Variants in ASNS observed in about 807,000 individuals in gnomAD.
The protein encoded by ASNS is asparagine synthetase (glutamine-hydrolyzing).
Under a neutral mutation model 62.6 loss-of-function variants are expected in ASNS, and 37 were observed. The ratio of observed to expected loss-of-function variants is 0.59; its 90% confidence interval spans 0.45 to 0.78. The LOEUF is 0.78. ASNS is among the 30% of genes least tolerant of loss of function. The pLI, the probability that ASNS is intolerant of heterozygous loss-of-function variation, is 0.00. For synonymous variants in ASNS, 207 were observed against 237.9 expected, an observed-to-expected ratio of 0.87 and a Z score of 1.19; for missense variants, 520 against 682.4, an observed-to-expected ratio of 0.76 and a Z score of 2.65.
At chr7:97,874,579 T>C (rs1792400815), upstream of ASNS, among the ~76,000 whole-genome samples, 1 of 152,240 alleles carries the variant, frequency 6.6e-6, no homozygotes, top group Admixed American at 6.5e-5. Context: ...TACAAAAGTA[T>C]TAATTTGGGG....
the ASNS span, among the ~76,000 whole-genome samples, chr7:97,888,073 C>A: frequency 3.3e-5 from 5 of 152,222 alleles, no homozygotes; most frequent in Non-Finnish European, 7.3e-5. Flanking sequence ...ATCCTGGGCT[C>A]AAGTGATCTT....
rs1485921787 is a variant in ASNS, at chr7:97,851,856, C to T, written c.*403G>A. Reference sequence around the variant, plus strand: ...ATAGAAGATTCAAGTCTGAGTCTGCCTAGGCAGCTGTTAGGAATGTAGGCA... The same window carrying T: ...ATAGAAGATTCAAGTCTGAGTCTGCTTAGGCAGCTGTTAGGAATGTAGGCA... On this transcript the variant is annotated 3_prime_UTR_variant, in exon 13 of 13. Transcript: ENST00000394308. The T allele has an allele frequency of 1.5e-5, 3 of 195,970 alleles. No homozygotes were observed. 12.1% of individuals were successfully genotyped at this position (195,970 alleles called of 1,614,324 possible). A position where few individuals can be genotyped will look rare whatever the true frequency, so the allele number is the denominator to read the frequency against.
upstream of ASNS, among the ~76,000 whole-genome samples, chr7:97,873,146 G>T (rs577163349): frequency 3.9e-5 from 6 of 152,322 alleles, no homozygotes; most frequent in African/African-American, 1.4e-4. Flanking sequence ...TAAGTACAAA[G>T]ATTCCTTTTA....
chr7:97,886,448 A>G, the ASNS span, among the ~76,000 whole-genome samples: 1 of 152,062 alleles, frequency 6.6e-6, no homozygotes, highest in Non-Finnish European at 1.5e-5. Flanking sequence ...CGCCTGGCCT[A>G]TATGAATTTT....
chr7:97,862,588 A>T, intron 4 of ASNS, among the ~76,000 whole-genome samples: 1 of 152,184 alleles, frequency 6.6e-6, no homozygotes, highest in Non-Finnish European at 1.5e-5. Flanking sequence ...TAAAACACAA[A>T]GAGTGAACCC....
chr7:97,926,829 T>C, the ASNS span, among the ~76,000 whole-genome samples: 1 of 152,158 alleles, frequency 6.6e-6, no homozygotes, highest in Non-Finnish European at 1.5e-5. Flanking sequence ...TATTTCATTA[T>C]CAACATATCA....
intron 7 of ASNS, 107 bp from the exon 8 acceptor site, chr7:97,856,923 A>G: frequency 8.2e-7 from 1 of 1,224,624 alleles, no homozygotes; most frequent in South Asian, 1.6e-5. Flanking sequence ...AATGGTGAAA[A>G]CTAAACAAGG....
chr7:97,888,964 A>C, the ASNS span, among the ~76,000 whole-genome samples: 13 of 152,104 alleles, frequency 8.5e-5, no homozygotes, highest in Non-Finnish European at 1.5e-4. Context: ...AGAACTAGAG[A>C]TCAGCCTGCC....
the ASNS span, among the ~76,000 whole-genome samples, chr7:97,912,344 T>A: frequency 6.6e-6 from 1 of 152,160 alleles, no homozygotes. Context: ...GGGCTGTTTT[T>A]TTGAGTTTTT....
intron 10 of ASNS, among the ~76,000 whole-genome samples, chr7:97,853,616 A>G (rs113498963): frequency 3.0e-4 from 46 of 152,308 alleles, no homozygotes; most frequent in African/African-American, 1.1e-3. Context: ...AAACTAACTG[A>G]GACTATTACT....
At chr7:97,922,141 G>A in the ASNS span, among the ~76,000 whole-genome samples, 122 of 152,296 alleles carry the variant, frequency 8.0e-4, no homozygotes, top group African/African-American at 2.9e-3. Context: ...GAGGCCAGCA[G>A]ATTGCTTGAG....
chr7:97,872,233 C>T (rs1266626952), intron 1 of ASNS, 118 bp downstream of exon 1: 1 of 151,794 alleles, frequency 6.6e-6, no homozygotes, highest in East Asian at 1.9e-4. Flanking sequence ...CGAACCGCGT[C>T]TGCCGGGTGC....
At position 97,864,511 on chromosome 7, in the gene ASNS, G is replaced by A; in HGVS notation, c.250-15C>T. The stretch of plus-strand genomic sequence containing the variant: ...TGCTGTTGCATCTTAGGAAGCGAAA[G>A]CAAAACCAAAATGTTAGACTCCTTG... On this transcript the variant is annotated splice_polypyrimidine_tract_variant and intron_variant, in intron 3 of 12. Transcript: ENST00000394308. 2 of 1,593,220 alleles carry A rather than the reference G, an allele frequency of 1.3e-6. No homozygotes were observed. The highest frequency in any genetic ancestry group is 1.7e-6 in the Non-Finnish European group (2 of 1,161,232).
chr7:97,884,654 C>T, the ASNS span, among the ~76,000 whole-genome samples: 1 of 152,088 alleles, frequency 6.6e-6, no homozygotes, highest in Non-Finnish European at 1.5e-5. Flanking sequence ...ACATAGTGAA[C>T]TCATCCCACC....
At chr7:97,889,946 A>AAAAAAAAAAAAAAAG in the ASNS span, among the ~76,000 whole-genome samples, 2 of 147,528 alleles carry the variant, frequency 1.4e-5, no homozygotes, top group African/African-American at 2.5e-5. Flanking sequence ...AAAAAAAAAA[A>AAAAAAAAAAAAAAAG]AAAAACCAAA....
At chr7:97,909,106 G>A in the ASNS span, 128,006 of 152,030 alleles carry the variant, frequency 0.84, 54,170 homozygotes, top group East Asian at 0.91. Context: ...TTTGATCAAG[G>A]TTGAAGACCT....
the ASNS span, among the ~76,000 whole-genome samples, chr7:97,897,291 A>G: frequency 6.6e-6 from 1 of 152,356 alleles, no homozygotes; most frequent in South Asian, 2.1e-4. Context: ...ACCCATAACT[A>G]TAAAAACGCT....
chr7:97,884,275 G>A, the ASNS span, among the ~76,000 whole-genome samples: 16 of 152,132 alleles, frequency 1.1e-4, no homozygotes, highest in South Asian at 8.3e-4. Context: ...CTGGCTGAGC[G>A]CAGTGGCTCA....
In ASNS at chr7:97,863,208, A is replaced by G. The variant is rs150400944; in HGVS notation, c.487+1051T>C. 2.0e-3 allele frequency: 302 copies of G among 152,370 alleles called. 1 individual carries two copies. The highest frequency in any genetic ancestry group is 6.6e-3 in the African/African-American group (275 of 41,592). The allele number at this position is 152,370 out of a possible 1,614,324, so 9.4% of individuals were successfully genotyped here. Reference sequence around the variant, plus strand: ...TAGCAGCATTATTCATAATAGCCAAAAGGGGTAAATAATGTCCTAAATGTC... The same window carrying G: ...TAGCAGCATTATTCATAATAGCCAAGAGGGGTAAATAATGTCCTAAATGTC... On this transcript the variant is annotated intron_variant, in intron 4 of 12. Transcript: ENST00000394308.
Sources: gnomAD v4.1 joint callset for allele counts (sites outside exome capture counted in the v4.1 genomes callset) on GRCh38, gnomAD v4.1.1 for gene constraint, MANE v1.5 for transcripts, NCBI Gene and HGNC (gene_info 2026-07-23, HGNC 2026-07-21) for gene names.